C4BPA: variants seen among roughly 807,000 people sequenced by gnomAD.
The protein encoded by C4BPA is C4b-binding protein alpha chain.
In C4BPA, 31 loss-of-function variants were observed where a neutral mutation model predicts 63.7. That is an observed-to-expected ratio of 0.49 (90% CI 0.37 to 0.66). C4BPA has a LOEUF of 0.66. C4BPA is among the 30% of genes least tolerant of loss of function. The pLI is 0.00. For synonymous variants in C4BPA, 259 were observed against 254.7 expected (o/e 1.02, Z -0.16); for missense variants, 572 against 723.3 (o/e 0.79, Z 2.40).
chr1:207,134,680 A>G (rs983014695), intron 9 of C4BPA, 88 bp downstream of exon 9: 1 of 870,996 alleles, frequency 1.1e-6, no homozygotes, highest in Non-Finnish European at 1.8e-6. Flanking sequence ...AATTAGGTAA[A>G]AAAATTCATA....
chr1:207,135,645 T>C (rs540227739), intron 9 of C4BPA, among the ~76,000 whole-genome samples: 8 of 152,316 alleles, frequency 5.3e-5, no homozygotes, highest in East Asian at 1.9e-4. Flanking sequence ...CCCTGGTTCC[T>C]GGACCCATGC....
chr1:207,138,511 C>T (rs1311833848), intron 9 of C4BPA, among the ~76,000 whole-genome samples: 1 of 152,188 alleles, frequency 6.6e-6, no homozygotes, highest in Admixed American at 6.5e-5. Flanking sequence ...GGCCTTGCTT[C>T]AGGATCTCAA....
chr1:207,125,980 C>T (rs1294497308), intron 6 of C4BPA, among the ~76,000 whole-genome samples: 1 of 151,970 alleles, frequency 6.6e-6, no homozygotes, highest in East Asian at 1.9e-4. Flanking sequence ...CTTGTCGGGG[C>T]ATGGGTCTCT....
rs1229412710 is a variant in C4BPA, at chr1:207,144,577, G to A, written c.1654G>A (p.Gly552Ser). 6.2e-7 allele frequency: 1 copy of A among 1,612,752 alleles called. No homozygotes were observed. Among genetic ancestry groups the A allele is most frequent in the Non-Finnish European group, 8.5e-7 (1 of 1,179,688 alleles). Residue 552 changes from glycine to serine, a missense_variant, in exon 12 of 12, where the codon GGC becomes AGC. Transcript: ENST00000367070. ...CGAAGGCTGTGAACAAGTGCTCACA[G>A]GCAAAAGACTCATGCAGTGTCTCCC... Reference protein sequence around the residue: ...TPEGCEQVLTGKRLMQCLPNP... With the variant: ...TPEGCEQVLTSKRLMQCLPNP...
At chr1:207,131,476 G>T in intron 7 of C4BPA, 70 bp from the exon 8 acceptor site, 2 of 1,096,774 alleles carry the variant, frequency 1.8e-6, no homozygotes, top group East Asian at 4.9e-5. Flanking sequence ...GATAGGACAG[G>T]CTTATTGACT....
At chr1:207,130,171 C>T (rs1257401555) in intron 7 of C4BPA, among the ~76,000 whole-genome samples, 2 of 152,136 alleles carry the variant, frequency 1.3e-5, no homozygotes, top group Admixed American at 1.3e-4. Context: ...TTCAAATTAC[C>T]GTCTGGTGTC....
chr1:207,129,216 G>T (rs541887535), intron 7 of C4BPA, among the ~76,000 whole-genome samples: 29 of 151,970 alleles, frequency 1.9e-4, no homozygotes, highest in Non-Finnish European at 3.5e-4. Context: ...CAGTGAATTT[G>T]AAGATAAATT....
chr1:207,129,940 T>C (rs1459942131), intron 7 of C4BPA, among the ~76,000 whole-genome samples: 1 of 152,192 alleles, frequency 6.6e-6, no homozygotes, highest in South Asian at 2.1e-4. Flanking sequence ...TTCTGTACTA[T>C]AATACAGCTT....
chr1:207,132,018 A>G (rs1337572337), intron 8 of C4BPA, among the ~76,000 whole-genome samples: 2 of 152,218 alleles, frequency 1.3e-5, no homozygotes, highest in Non-Finnish European at 2.9e-5. Flanking sequence ...TCTTACTGGT[A>G]AAACTAGAAT....
At chr1:207,121,685 A>G (rs1046875005) in intron 4 of C4BPA, among the ~76,000 whole-genome samples, 1 of 152,102 alleles carries the variant, frequency 6.6e-6, no homozygotes, top group Non-Finnish European at 1.5e-5. Flanking sequence ...TTAAAAATAT[A>G]TGGTGGTATT....
rs1429522122 is a variant in C4BPA at position 207,144,010 on chromosome 1, A to G, written c.1620+17A>G. On this transcript the variant is annotated intron_variant, in intron 11 of 11. Transcript: ENST00000367070. Reference sequence around the variant, plus strand: ...TGTGAGTGGGTAAGTGGCACAATTCAAGGAAGTTCTGTGCTGTCGACCCCT... The same window carrying G: ...TGTGAGTGGGTAAGTGGCACAATTCGAGGAAGTTCTGTGCTGTCGACCCCT... The G allele has an allele frequency of 6.5e-7, 1 of 1,547,778 alleles. No individual in the cohort carries two copies. Among genetic ancestry groups the G allele is most frequent in the East Asian group, 2.3e-5 (1 of 43,818 alleles).
rs1025055151 is a variant in C4BPA, at chr1:207,142,184, C to A, written c.1444+908C>A. Among the ~76,000 whole-genome samples, 6 of 148,770 alleles carry A rather than the reference C, an allele frequency of 4.0e-5. 1 individual carries two copies. The highest frequency in any genetic ancestry group is 1.4e-4 in the Admixed American group (2 of 14,358). On this transcript the variant is annotated intron_variant, in intron 10 of 11. Coordinates refer to ENST00000367070, the MANE Select transcript of C4BPA (RefSeq NM_000715.4). The stretch of plus-strand genomic sequence containing the variant: ...AACATGCAGTGTTTGGTTTTCTGAT[C>A]TTGTGATAGCTTGCTGAGAATGATG...
chr1:207,114,385 T>G, intron 3 of C4BPA, 100 bp downstream of exon 3: 1 of 926,726 alleles, frequency 1.1e-6, no homozygotes, highest in Non-Finnish European at 1.6e-6. Flanking sequence ...AGAAGACAGT[T>G]TGTCAATTAC....
intron 8 of C4BPA, among the ~76,000 whole-genome samples, chr1:207,133,991 T>C (rs1685222775): frequency 6.6e-6 from 1 of 152,122 alleles, no homozygotes; most frequent in Admixed American, 6.5e-5. Context: ...AATTTACATT[T>C]TCATATTGGT....
intron 3 of C4BPA, 36 bp downstream of exon 3, chr1:207,114,321 C>T (rs749573985): frequency 6.6e-7 from 1 of 1,512,320 alleles, no homozygotes; most frequent in Non-Finnish European, 9.0e-7. Context: ...CTTTGCTTTT[C>T]CTATCTTTGG....
In C4BPA at chr1:207,143,907, G is replaced by A; in HGVS notation, c.1534G>A (p.Asp512Asn). ...GCCTGAAAATGTCACCATCCAATGT[G>A]ATTCTGGCTATGGTGTGGTTGGTCC... is the stretch of plus-strand genomic sequence containing the variant. ...VEPENVTIQC[D>N]SGYGVVGPQS... Residue 512 changes from aspartate (D) to asparagine (N), a missense_variant, in exon 11 of 12, where the codon GAT becomes AAT. Around this residue, in one of 2 missense-constraint regions of C4BPA, gnomAD observed 465 missense variants for 629.4 expected, o/e 0.74. Transcript: ENST00000367070. 2 of 1,612,688 alleles carry A rather than the reference G, an allele frequency of 1.2e-6. No homozygotes were observed. Among genetic ancestry groups the A allele is most frequent in the Non-Finnish European group, 1.7e-6 (2 of 1,179,224 alleles).
chr1:207,144,106 T>G, intron 11 of C4BPA, 113 bp downstream of exon 11: 1 of 741,778 alleles, frequency 1.3e-6, no homozygotes, highest in Non-Finnish European at 2.1e-6. Context: ...AGGATTCATT[T>G]CTGAGCCACT....
Position 207,115,471 on chromosome 1 carries a change from AG to A in C4BPA, c.385del (p.Asp129IlefsTer8). ...GTAATGGGCAAGTAGAGATTAAGAC[AG>A]ATTTATCTTTTGGATCACAAATAGA... The part of the protein sequence containing the change: ...LRNGQVEIKT[D>X]LSFGSQIEFS... On this transcript the variant is annotated frameshift_variant, in exon 4 of 12. Coordinates refer to ENST00000367070, the MANE Select transcript of C4BPA (RefSeq NM_000715.4). LOFTEE classifies it high-confidence loss of function. The A allele has an allele frequency of 3.1e-6, 5 of 1,598,508 alleles. No homozygotes were observed. The highest frequency in any genetic ancestry group is 4.3e-6 in the Non-Finnish European group (5 of 1,174,976).
intron 9 of C4BPA, among the ~76,000 whole-genome samples, chr1:207,135,355 G>T (rs1184821842): frequency 6.6e-6 from 1 of 151,868 alleles, no homozygotes. Context: ...AAAAAAAAAG[G>T]CTCAAGTGTT....
Sources: allele counts gnomAD v4.1 joint callset (sites outside exome capture counted in the v4.1 genomes callset), GRCh38; gene constraint gnomAD v4.1.1; regional missense constraint gnomAD v4.1.1; transcripts MANE v1.5; gene names NCBI Gene and HGNC (gene_info 2026-07-23, HGNC 2026-07-21).